Variants in ROBO1 observed in about 807,000 individuals in gnomAD.
ROBO1 encodes the protein roundabout homolog 1.
ROBO1 carries 149 observed loss-of-function variants against 195.9 expected under a neutral mutation model. The observed-to-expected ratio is 0.76, with a 90% confidence interval of 0.67 to 0.87. ROBO1 has a LOEUF of 0.87. ROBO1 is among the 40% of genes least tolerant of loss of function. The pLI, the probability that ROBO1 is intolerant of heterozygous loss-of-function variation, is 0.00. For synonymous variants in ROBO1, 816 were observed against 733.2 expected, an observed-to-expected ratio of 1.11 and a Z score of -1.82; for missense variants, 1,933 against 2,068.3, an observed-to-expected ratio of 0.93 and a Z score of 1.27.
rs187504544 is a variant in ROBO1, at chr3:78,684,881, G to C, written c.1342+865C>G. ...TATTCCTGCTTCTCTTCTTTTATTCGTGTTCCATTTTCTTCCCTGAGAGAC... is the reference window on the plus strand; with the variant it reads ...TATTCCTGCTTCTCTTCTTTTATTCCTGTTCCATTTTCTTCCCTGAGAGAC... On this transcript the variant is annotated intron_variant, in intron 10 of 30. Coordinates refer to ENST00000464233, the MANE Select transcript of ROBO1 (RefSeq NM_002941.4). Among the ~76,000 whole-genome samples, 7 of 151,994 alleles carry C rather than the reference G, an allele frequency of 4.6e-5. No individual in the cohort carries two copies. In the East Asian group the frequency reaches 1.4e-3, roughly 29 times the overall value.
At chr3:78,758,525 C>CAAAAAA (rs5850391) in intron 4 of ROBO1, among the ~76,000 whole-genome samples, 3 of 85,286 alleles carry the variant, frequency 3.5e-5, no homozygotes, top group African/African-American at 9.3e-5. Flanking sequence ...GACCCTATCT[C>CAAAAAA]AAAAAAAAAA....
chr3:78,684,757 T>C (rs957840232), intron 10 of ROBO1, among the ~76,000 whole-genome samples: 4 of 152,120 alleles, frequency 2.6e-5, no homozygotes, highest in Admixed American at 2.6e-4. Flanking sequence ...ACTCCACAGA[T>C]TCTAATTTAG....
At chr3:78,656,250 C>A (rs1177095552) in intron 18 of ROBO1, among the ~76,000 whole-genome samples, 1 of 151,086 alleles carries the variant, frequency 6.6e-6, no homozygotes, top group African/African-American at 2.4e-5. Context: ...TAAACAATTA[C>A]AATTTTAAAT....
chr3:78,933,734 T>C (rs772484353), intron 4 of ROBO1, among the ~76,000 whole-genome samples: 5 of 151,980 alleles, frequency 3.3e-5, no homozygotes, highest in Non-Finnish European at 5.9e-5. Flanking sequence ...CTTAGCAATA[T>C]GGCTTCTTTA....
chr3:79,166,625 G>A (rs931283664), intron 2 of ROBO1, among the ~76,000 whole-genome samples: 1 of 149,928 alleles, frequency 6.7e-6, no homozygotes, highest in Non-Finnish European at 1.5e-5. Context: ...GAGTGCAGTG[G>A]TGCAATCTCG....
intron 1 of ROBO1, among the ~76,000 whole-genome samples, chr3:79,668,893 ATGAACAGAACTT>A (rs1430349488): frequency 6.6e-5 from 10 of 151,952 alleles, no homozygotes; most frequent in Non-Finnish European, 1.5e-5. Context: ...GACGGAGATC[ATGAACAGAACTT>A]TGTAAATTCT....
At chr3:79,636,786 T>C (rs1280727398) in intron 1 of ROBO1, among the ~76,000 whole-genome samples, 1 of 152,176 alleles carries the variant, frequency 6.6e-6, no homozygotes, top group African/African-American at 2.4e-5. Flanking sequence ...GAGATGACAG[T>C]AGGGATACTA....
chr3:79,462,319 C>G (rs1053334543), intron 2 of ROBO1, among the ~76,000 whole-genome samples: 1 of 152,074 alleles, frequency 6.6e-6, no homozygotes, highest in South Asian at 2.1e-4. Context: ...AACATACGTG[C>G]AAGTTATATG....
chr3:78,968,222 A>G (rs879648190), intron 3 of ROBO1, among the ~76,000 whole-genome samples: 13 of 151,912 alleles, frequency 8.6e-5, no homozygotes, highest in Non-Finnish European at 1.5e-4. Flanking sequence ...TGGGAGCCAC[A>G]GGAGTCATGA....
At chr3:79,245,973 G>A (rs2082617982) in intron 2 of ROBO1, among the ~76,000 whole-genome samples, 1 of 151,846 alleles carries the variant, frequency 6.6e-6, no homozygotes, top group South Asian at 2.1e-4. Flanking sequence ...GACTCAAATG[G>A]TCCCAAGTCA....
In ROBO1 at chr3:78,714,482, C is replaced by G. The variant is rs746664286; in HGVS notation, c.960G>C (p.Val320=). Reference sequence around the variant, plus strand: ...TGTATGAACCCATGTCACCAGCTGTCACCTTCCTAATTTTCAAGGTATGAT... The same window carrying G: ...TGTATGAACCCATGTCACCAGCTGTGACCTTCCTAATTTTCAAGGTATGAT... The part of the protein sequence containing the change: ...RDDHTLKIRK[V]TAGDMGSYTC... Residue 320 remains valine, a synonymous_variant, in exon 8 of 31, where the codon GTG becomes GTC. Transcript: ENST00000464233. 11 of 1,612,856 alleles carry G rather than the reference C, an allele frequency of 6.8e-6. No individual in the cohort carries two copies. The highest frequency in any genetic ancestry group is 1.1e-5 in the South Asian group (1 of 90,822).
chr3:79,083,780 C>T (rs529435891), intron 3 of ROBO1, among the ~76,000 whole-genome samples: 2 of 152,244 alleles, frequency 1.3e-5, no homozygotes, highest in African/African-American at 4.8e-5. Flanking sequence ...CTATTCTATG[C>T]TAAAAGACAA....
At chr3:78,762,858 G>A (rs1165320378) in intron 4 of ROBO1, among the ~76,000 whole-genome samples, 2 of 151,778 alleles carry the variant, frequency 1.3e-5, no homozygotes, top group Non-Finnish European at 2.9e-5. Context: ...ACAAAAAAAA[G>A]GCATTTCAAA....
chr3:79,454,824 C>T (rs533021851), intron 2 of ROBO1, among the ~76,000 whole-genome samples: 17 of 152,034 alleles, frequency 1.1e-4, no homozygotes, highest in Non-Finnish European at 2.4e-4. Flanking sequence ...ACCTCATGCC[C>T]AGAATGCTCT....
At chr3:78,717,920 T>C (rs767586751) in intron 5 of ROBO1, 37 bp from the exon 6 acceptor site, 33 of 1,606,128 alleles carry the variant, frequency 2.1e-5, no homozygotes, top group Non-Finnish European at 2.6e-5. Context: ...CTATTAAAAT[T>C]GCTTCAGCTA....
intron 5 of ROBO1, among the ~76,000 whole-genome samples, chr3:78,733,700 T>C (rs2082331823): frequency 6.6e-6 from 1 of 152,146 alleles, no homozygotes; most frequent in Admixed American, 6.5e-5. Context: ...CCACAAAAGA[T>C]TGTGCCTTTA....
chr3:79,528,192 T>G (rs1280020020), intron 2 of ROBO1, among the ~76,000 whole-genome samples: 1 of 152,192 alleles, frequency 6.6e-6, no homozygotes, highest in Non-Finnish European at 1.5e-5. Flanking sequence ...AAGAAATGAA[T>G]AGCAAAAATC....
At chr3:79,314,831 T>G (rs2033660509) in intron 2 of ROBO1, among the ~76,000 whole-genome samples, 1 of 152,214 alleles carries the variant, frequency 6.6e-6, no homozygotes, top group Admixed American at 6.5e-5. Context: ...TACAGTGTGG[T>G]AGGAAAGATA....
intron 10 of ROBO1, among the ~76,000 whole-genome samples, chr3:78,675,545 C>G (rs1575903478): frequency 6.6e-6 from 1 of 152,156 alleles, no homozygotes; most frequent in East Asian, 1.9e-4. Context: ...GGTCCTACAC[C>G]CACGGAGTCT....
Sources: gnomAD v4.1 joint callset for allele counts (sites outside exome capture counted in the v4.1 genomes callset) on GRCh38, gnomAD v4.1.1 for gene constraint, MANE v1.5 for transcripts, NCBI Gene and HGNC (gene_info 2026-07-23, HGNC 2026-07-21) for gene names.